The following CAP2 variants were observed in gnomAD, a reference collection of about 807,000 sequenced individuals.
The protein encoded by CAP2 is cyclase associated actin cytoskeleton regulatory protein 2.
CAP2 carries 24 observed loss-of-function variants against 57.7 expected under a neutral mutation model. The observed-to-expected ratio is 0.42, with a 90% CI of 0.30 to 0.58. CAP2 has a LOEUF of 0.58. Among genes scored for constraint, CAP2 ranks in the 20% least tolerant of loss-of-function variants. CAP2 has a pLI of 0.22. For missense variants in CAP2, 501 were observed against 590.3 expected (o/e 0.85, Z 1.57); for synonymous variants, 194 against 207.2 (o/e 0.94, Z 0.55).
chr6:17,519,375 A>G (rs1404522225), intron 7 of CAP2, among the ~76,000 whole-genome samples: 1 of 152,062 alleles, frequency 6.6e-6, no homozygotes, highest in Non-Finnish European at 1.5e-5. Context: ...GGGTGGGAGG[A>G]GGCAGCTGTG....
At chr6:17,412,620 C>A (rs1027937851) in intron 1 of CAP2, among the ~76,000 whole-genome samples, 5 of 152,140 alleles carry the variant, frequency 3.3e-5, no homozygotes, top group Admixed American at 1.3e-4. Context: ...CGAGGCAGAT[C>A]AGAGATGGTT....
Position 17,513,100 on chromosome 6 carries a change from A to T in CAP2, c.531-749A>T, listed in dbSNP as rs554199655. ...GAAATGCAACTATTTTTACCTATCT[A>T]TAAGTTTAATATTTCTAACAATTCT... On this transcript the variant is annotated intron_variant, in intron 6 of 12. Coordinates refer to ENST00000229922, the MANE Select transcript of CAP2 (RefSeq NM_006366.3). The surrounding 1 kb of genome is among the most constrained non-coding windows in gnomAD (Gnocchi z 4.3). Among the ~76,000 whole-genome samples, 19 of 152,328 alleles carry T rather than the reference A, an allele frequency of 1.2e-4. No individual in the cohort carries two copies. The highest frequency in any genetic ancestry group is 4.1e-4 in the African/African-American group (17 of 41,578).
chr6:17,501,870 T>G (rs993359895), intron 4 of CAP2, among the ~76,000 whole-genome samples: 2 of 152,222 alleles, frequency 1.3e-5, no homozygotes, highest in Admixed American at 6.5e-5. Context: ...AAACGTTTGC[T>G]GAAAACATGC....
intron 1 of CAP2, among the ~76,000 whole-genome samples, chr6:17,419,485 G>A (rs2113529084): frequency 6.6e-6 from 1 of 152,242 alleles, no homozygotes; most frequent in East Asian, 1.9e-4. Context: ...ATATGGCCGG[G>A]GTTAAGGTGG....
intron 12 of CAP2, among the ~76,000 whole-genome samples, 197 bp downstream of exon 12, chr6:17,551,801 C>T (rs1033190957): frequency 3.9e-5 from 6 of 152,130 alleles, no homozygotes; most frequent in South Asian, 2.1e-4. Flanking sequence ...CCTGGATTTC[C>T]GATTCTCAAG....
intron 3 of CAP2, among the ~76,000 whole-genome samples, chr6:17,444,780 C>G (rs1760203830): frequency 6.7e-6 from 1 of 148,818 alleles, no homozygotes; most frequent in South Asian, 2.1e-4. Context: ...TGCCATGTCT[C>G]TGTAGATTTT....
At chr6:17,438,605 A>AT (rs1400559385) in intron 3 of CAP2, among the ~76,000 whole-genome samples, 2 of 144,700 alleles carry the variant, frequency 1.4e-5, no homozygotes, top group Admixed American at 6.8e-5. Context: ...CGTCCAGCTA[A>AT]TTTTTTTGTA....
At chr6:17,414,268 TTTTC>T (rs914065642) in intron 1 of CAP2, among the ~76,000 whole-genome samples, 12 of 149,614 alleles carry the variant, frequency 8.0e-5, no homozygotes. Context: ...TTCCTTTTTT[TTTTC>T]TTTATTTCTT....
intron 4 of CAP2, chr6:17,493,299 A>G (rs1393832127): frequency 8.6e-5 from 20 of 232,070 alleles, no homozygotes; most frequent in Non-Finnish European, 1.9e-5. Flanking sequence ...AGCCACTTAA[A>G]TAGTGCACCT....
intron 11 of CAP2, among the ~76,000 whole-genome samples, chr6:17,550,235 G>T (rs1763137794): frequency 6.6e-6 from 1 of 150,708 alleles, no homozygotes; most frequent in Non-Finnish European, 1.5e-5. Context: ...GACAGAGCAA[G>T]ACTCTATCTC....
At chr6:17,459,229 T>C (rs1371807780) in intron 3 of CAP2, among the ~76,000 whole-genome samples, 1 of 152,232 alleles carries the variant, frequency 6.6e-6, no homozygotes, top group East Asian at 1.9e-4. Flanking sequence ...TTGGGGCATT[T>C]AGCAAATTCC....
At chr6:17,519,247 T>C (rs1762337994) in intron 7 of CAP2, among the ~76,000 whole-genome samples, 1 of 152,086 alleles carries the variant, frequency 6.6e-6, no homozygotes, top group African/African-American at 2.4e-5. Context: ...AGACCGCAGC[T>C]GTGTCAGGCA....
At chr6:17,492,119 A>G (rs1009470788) in intron 4 of CAP2, among the ~76,000 whole-genome samples, 3 of 152,250 alleles carry the variant, frequency 2.0e-5, no homozygotes, top group Non-Finnish European at 4.4e-5. Context: ...TGTACTTTGC[A>G]GTACCCATGT....
chr6:17,488,407 G>A (rs1264652208), intron 4 of CAP2, among the ~76,000 whole-genome samples: 1 of 152,148 alleles, frequency 6.6e-6, no homozygotes, highest in African/African-American at 2.4e-5. Context: ...AGCCTCACAA[G>A]CCCTCGATGG....
At chr6:17,458,633 A>T (rs1408951597) in intron 3 of CAP2, among the ~76,000 whole-genome samples, 1 of 152,216 alleles carries the variant, frequency 6.6e-6, no homozygotes, top group Non-Finnish European at 1.5e-5. Flanking sequence ...TGATATTGAC[A>T]CGGGGATGAA....
rs1762194496 is a variant in CAP2, at chr6:17,513,041, GA to G, written c.531-802del. On this transcript the variant is annotated intron_variant, in intron 6 of 12. Coordinates refer to ENST00000229922, the MANE Select transcript of CAP2 (RefSeq NM_006366.3). The surrounding 1 kb of genome is among the most constrained non-coding windows in gnomAD (Gnocchi z 4.3). The stretch of plus-strand genomic sequence containing the variant: ...CATTTACCTTGACTTCTATAAGTGA[GA>G]AAAAATATATTATAGGTAAAAATTG... 6.6e-6 allele frequency among the ~76,000 whole-genome samples: 1 copy of G among 152,150 alleles called. No homozygotes were observed. Among genetic ancestry groups the G allele is most frequent in the South Asian group, 2.1e-4 (1 of 4,828 alleles).
chr6:17,441,766 C>T lies in CAP2; in HGVS notation c.222+15076C>T, dbSNP rs920375549. Among the ~76,000 whole-genome samples, 6 of 152,176 alleles carry T rather than the reference C, an allele frequency of 3.9e-5. No individual in the cohort carries two copies. In the East Asian group the frequency reaches 7.7e-4, roughly 20 times the overall value. Reference sequence around the variant, plus strand: ...TCCCAAAGTGTTGGGATTACAGGAGCGAGCCACGGTGCCTGGCCTTAAAAA... The same window carrying T: ...TCCCAAAGTGTTGGGATTACAGGAGTGAGCCACGGTGCCTGGCCTTAAAAA... On this transcript the variant is annotated intron_variant, in intron 3 of 12. Coordinates refer to ENST00000229922, the MANE Select transcript of CAP2 (RefSeq NM_006366.3).
intron 3 of CAP2, among the ~76,000 whole-genome samples, chr6:17,437,087 T>C (rs1447531581): frequency 2.0e-5 from 3 of 152,224 alleles, no homozygotes; most frequent in Admixed American, 6.5e-5. Context: ...CCACAGATTC[T>C]ACATTGTGGT....
intron 4 of CAP2, among the ~76,000 whole-genome samples, chr6:17,499,894 A>G (rs530793366): frequency 2.0e-5 from 3 of 150,950 alleles, no homozygotes; most frequent in Non-Finnish European, 4.4e-5. Context: ...CAAATATAGT[A>G]TATAAGGAAT....
Sources: allele counts gnomAD v4.1 joint callset (sites outside exome capture counted in the v4.1 genomes callset), GRCh38; gene constraint gnomAD v4.1.1; non-coding constraint Gnocchi (gnomAD v3.1); transcripts MANE v1.5; gene names NCBI Gene and HGNC (gene_info 2026-07-23, HGNC 2026-07-21).